Variants in LYN observed in about 807,000 individuals in gnomAD.
LYN encodes the protein tyrosine-protein kinase Lyn.
A neutral mutation model predicts 65.0 loss-of-function variants in LYN; 12 were observed. The observed-to-expected ratio is 0.18, with a 90% CI of 0.12 to 0.30. LYN has a LOEUF of 0.30. LYN is among the 10% of genes least tolerant of loss of function. The pLI, the probability that LYN is intolerant of heterozygous loss-of-function variation, is 1.00. For synonymous variants in LYN, 222 were observed against 221.2 expected, an observed-to-expected ratio of 1.00 and a Z score of -0.03; for missense variants, 380 against 623.2, an observed-to-expected ratio of 0.61 and a Z score of 4.16.
At chr8:55,974,011 G>A (rs1355289277) in intron 10 of LYN, among the ~76,000 whole-genome samples, 1 of 152,212 alleles carries the variant, frequency 6.6e-6, no homozygotes. Context: ...TCTTCTGGTT[G>A]ATACAGCACT....
intron 1 of LYN, among the ~76,000 whole-genome samples, chr8:55,881,844 G>A (rs1023863512): frequency 2.0e-5 from 3 of 152,176 alleles, no homozygotes; most frequent in African/African-American, 7.2e-5. Flanking sequence ...TGCTTCATCT[G>A]TCTTGTCCAA....
chr8:55,985,408 A>G (rs1346257015), intron 10 of LYN, among the ~76,000 whole-genome samples: 1 of 152,224 alleles, frequency 6.6e-6, no homozygotes, highest in Non-Finnish European at 1.5e-5. Context: ...GGTATTTTGA[A>G]AACGCACTTC....
intron 12 of LYN, among the ~76,000 whole-genome samples, chr8:56,007,009 C>T (rs538905501): frequency 6.6e-6 from 1 of 152,258 alleles, no homozygotes; most frequent in Admixed American, 6.5e-5. Flanking sequence ...GGAGCATGTC[C>T]AGCCTTTACC....
chr8:55,906,429 G>A (rs923704255), intron 1 of LYN, among the ~76,000 whole-genome samples: 8 of 152,068 alleles, frequency 5.3e-5, no homozygotes, highest in Middle Eastern at 3.4e-3. Flanking sequence ...GCGTGATTTC[G>A]GTTCACTGCA....
chr8:55,947,622 A>G lies in LYN; in HGVS notation c.183A>G (p.Pro61=), dbSNP rs1806818514. 1 of 1,609,990 alleles carries G rather than the reference A, an allele frequency of 6.2e-7. No homozygotes were observed. Among genetic ancestry groups the G allele is most frequent in the Non-Finnish European group, 8.5e-7 (1 of 1,176,236 alleles). The change falls in exon 4 of 13, where the codon CCA becomes CCG. Residue 61 remains proline, a synonymous_variant. Transcript: ENST00000519728. The part of the protein sequence containing the change: ...LPGQRFQTKD[P]EEQGDIVVAL... ...TTCTCTTGTGTTCATCTTTAGATCC[A>G]GAGGAACAAGGAGACATTGTGGTAG...
intron 10 of LYN, 40 bp downstream of exon 10, chr8:55,969,833 A>G: frequency 1.3e-6 from 2 of 1,519,386 alleles, no homozygotes; most frequent in Non-Finnish European, 1.8e-6. Flanking sequence ...GTGCATTTGC[A>G]AAGACTTCCC....
intron 2 of LYN, among the ~76,000 whole-genome samples, chr8:55,944,561 ACCT>A (rs1214794427): frequency 6.6e-6 from 1 of 151,902 alleles, no homozygotes; most frequent in Admixed American, 6.6e-5. Flanking sequence ...GCTCACTGCA[ACCT>A]CCTCCTCCTG....
intron 12 of LYN, among the ~76,000 whole-genome samples, chr8:56,001,393 G>T (rs755085942): frequency 6.6e-6 from 1 of 152,200 alleles, no homozygotes; most frequent in Non-Finnish European, 1.5e-5. Context: ...ACTCTGCTGA[G>T]ATGCAAACCA....
chr8:55,997,988 G>T (rs2130582474), intron 10 of LYN, among the ~76,000 whole-genome samples: 1 of 152,304 alleles, frequency 6.6e-6, no homozygotes, highest in Middle Eastern at 3.4e-3. Context: ...GGAGGCTGAG[G>T]CAGGAGAATG....
intron 10 of LYN, among the ~76,000 whole-genome samples, chr8:55,972,743 G>A (rs935078523): frequency 3.9e-5 from 6 of 152,136 alleles, no homozygotes; most frequent in Non-Finnish European, 7.3e-5. Flanking sequence ...GCTGCCCCAC[G>A]GTGACAGAGA....
intron 1 of LYN, among the ~76,000 whole-genome samples, chr8:55,891,308 C>G (rs531322021): frequency 6.6e-6 from 1 of 150,796 alleles, no homozygotes; most frequent in Non-Finnish European, 1.5e-5. Context: ...GTCGAGATCC[C>G]GCGACTGCAC....
At chr8:55,906,938 TCC>T (rs1805445359) in intron 1 of LYN, among the ~76,000 whole-genome samples, 1 of 152,128 alleles carries the variant, frequency 6.6e-6, no homozygotes, top group African/African-American at 2.4e-5. Flanking sequence ...GCCATTGCCA[TCC>T]CTTGCAAAAC....
chr8:56,007,023 A>C (rs1016473294), intron 12 of LYN, among the ~76,000 whole-genome samples: 2 of 152,210 alleles, frequency 1.3e-5, no homozygotes, highest in African/African-American at 4.8e-5. Context: ...CTTTACCAGC[A>C]TCATCGAGAG....
chr8:55,940,694 A>C (rs1334252508), intron 1 of LYN, among the ~76,000 whole-genome samples: 1 of 152,110 alleles, frequency 6.6e-6, no homozygotes, highest in Non-Finnish European at 1.5e-5. Context: ...TAATGCATAG[A>C]TTTGACCCAA....
At chr8:55,917,375 G>A (rs1805808958) in intron 1 of LYN, among the ~76,000 whole-genome samples, 1 of 152,116 alleles carries the variant, frequency 6.6e-6, no homozygotes, top group Non-Finnish European at 1.5e-5. Flanking sequence ...GTAGAGATAG[G>A]GTCTTGCTAT....
At chr8:55,906,335 TGTTTTG>T (rs1805417853) in intron 1 of LYN, among the ~76,000 whole-genome samples, 1 of 94,756 alleles carries the variant, frequency 1.1e-5, no homozygotes, top group South Asian at 2.9e-4. Context: ...TCGTTTTTTT[TGTTTTG>T]TTTTGTTTTG....
chr8:55,931,188 T>C (rs1178572621), intron 1 of LYN, among the ~76,000 whole-genome samples: 2 of 148,248 alleles, frequency 1.3e-5, no homozygotes, highest in Non-Finnish European at 3.0e-5. Flanking sequence ...AAATATAATA[T>C]GTAACTCGTA....
At position 55,920,407 on chromosome 8, in the gene LYN, T is replaced by G. The variant is rs552630162; in HGVS notation, c.-5-21448T>G. Among the ~76,000 whole-genome samples the G allele has an allele frequency of 2.0e-5, 3 of 152,374 alleles. No individual in the cohort carries two copies. The South Asian group carries it at 6.2e-4, about 32-fold the overall frequency. ...TTTCTTAAGTGTGATCATGTCACTA[T>G]AACCTGGCTTTCCTTGTTTTGGAGG... On this transcript the variant is annotated intron_variant, in intron 1 of 12. Coordinates refer to ENST00000519728, the MANE Select transcript of LYN (RefSeq NM_002350.4).
chr8:55,888,115 A>G (rs763487786), intron 1 of LYN, among the ~76,000 whole-genome samples: 4 of 152,156 alleles, frequency 2.6e-5, no homozygotes, highest in Non-Finnish European at 5.9e-5. Context: ...AGAACCTTCC[A>G]CTGCTATGTT....
Sources: gnomAD v4.1 joint callset for allele counts (sites outside exome capture counted in the v4.1 genomes callset) on GRCh38, gnomAD v4.1.1 for gene constraint, MANE v1.5 for transcripts, NCBI Gene and HGNC (gene_info 2026-07-23, HGNC 2026-07-21) for gene names.